The following NQO1 variants were observed in gnomAD, a reference collection of about 807,000 sequenced individuals.
NQO1 encodes the protein NAD(P)H quinone dehydrogenase 1.
In NQO1, 30 loss-of-function variants were observed where a neutral mutation model predicts 32.1. The observed-to-expected ratio is 0.94, with a 90% CI of 0.70 to 1.27. NQO1 has a LOEUF of 1.27. Ranked by LOEUF, NQO1 falls within the 50% of genes most tolerant of loss-of-function variation. The pLI is 0.00. For synonymous variants in NQO1, 109 were observed against 119.7 expected, an observed-to-expected ratio of 0.91 and a Z score of 0.59; for missense variants, 276 against 331.3, an observed-to-expected ratio of 0.83 and a Z score of 1.30.
chr16:69,711,654 CTTTTTTTT>C lies in NQO1; in HGVS notation c.520-381_520-374del, dbSNP rs903633662. Reference sequence around the variant, plus strand: ...CTAGATGAGTCCTTTTTTTCTTTTTCTTTTTTTTTTTTTTTTTGAGGCAGAGTCTCGCT... The same window carrying C: ...CTAGATGAGTCCTTTTTTTCTTTTTCTTTTTTTTTGAGGCAGAGTCTCGCT... On this transcript the variant is annotated intron_variant, in intron 5 of 5. Transcript: ENST00000320623. 2.9e-5 allele frequency among the ~76,000 whole-genome samples: 4 copies of C among 136,712 alleles called. No homozygotes were observed. In the East Asian group the frequency reaches 8.4e-4, roughly 29 times the overall value. 89.7% of individuals were successfully genotyped at this position (136,712 alleles called of 152,430 possible). A position where few individuals can be genotyped will look rare whatever the true frequency, so the allele number is the denominator to read the frequency against.
intron 4 of NQO1, among the ~76,000 whole-genome samples, chr16:69,713,836 T>A: frequency 6.6e-6 from 1 of 151,448 alleles, no homozygotes; most frequent in East Asian, 1.9e-4. Context: ...TCCCAAATAG[T>A]TGGGATTACA....
intron 4 of NQO1, 28 bp downstream of exon 4, chr16:69,714,936 G>T: frequency 1.3e-6 from 2 of 1,504,438 alleles, no homozygotes; most frequent in Non-Finnish European, 1.9e-6. Flanking sequence ...GAAGCTGGCT[G>T]TCAGAGCATT....
At position 69,709,944 on chromosome 16, in the gene NQO1, A is replaced by G. The variant is rs1382228253; in HGVS notation, c.*1032T>C. On this transcript the variant is annotated 3_prime_UTR_variant, in exon 6 of 6. Transcript: ENST00000320623. Reference sequence around the variant, plus strand: ...AATAAAGTATTTTTTGTGGAAGACTATTTTTAAGTATTGAAGGTACTATTT... The same window carrying G: ...AATAAAGTATTTTTTGTGGAAGACTGTTTTTAAGTATTGAAGGTACTATTT... 9 of 396,852 alleles carry G rather than the reference A, an allele frequency of 2.3e-5. No homozygotes were observed. The highest frequency in any genetic ancestry group is 2.7e-4 in the South Asian group (2 of 7,482). 24.6% of individuals were successfully genotyped at this position (396,852 alleles called of 1,614,324 possible). A position where few individuals can be genotyped will look rare whatever the true frequency, so the allele number is the denominator to read the frequency against.
Position 69,718,518 on chromosome 16 carries a change from G to A in NQO1, c.24C>T (p.Ile8=), listed in dbSNP as rs780885628. ...ACGTCCTCTCTGAGTGAGCCAGTAC[G>A]ATCAGTGCTCTTCTGCCTACAGAGA... is the stretch of plus-strand genomic sequence containing the variant. MVGRRAL[I]VLAHSERTSF... The change falls in exon 2 of 6, where the codon ATC becomes ATT. Residue 8 remains isoleucine (I), a synonymous_variant. Transcript: ENST00000320623. The A allele has an allele frequency of 9.3e-6, 15 of 1,613,776 alleles. No individual in the cohort carries two copies. Among genetic ancestry groups the A allele is most frequent in the Admixed American group, 1.7e-5 (1 of 59,992 alleles).
chr16:69,715,159 C>A, intron 3 of NQO1, 82 bp from the exon 4 acceptor site: 1 of 932,536 alleles, frequency 1.1e-6, no homozygotes, highest in Non-Finnish European at 1.8e-6. Flanking sequence ...AGCCGCTCCC[C>A]ATGATGGCAC....
In NQO1 at chr16:69,715,086, C is replaced by G; in HGVS notation, c.304-9G>C. 1 of 1,606,836 alleles carries G rather than the reference C, an allele frequency of 6.2e-7. No homozygotes were observed. The highest frequency in any genetic ancestry group is 1.7e-4 in the Middle Eastern group (1 of 6,050). On this transcript the variant is annotated splice_polypyrimidine_tract_variant and intron_variant, in intron 3 of 5. Transcript: ENST00000320623. ...AACCACTGCAGGGGGAACTGTGGGA[C>G]AGAAGACATCATTGAGGTAAGACCA...
intron 3 of NQO1, among the ~76,000 whole-genome samples, chr16:69,717,510 TAACTGAAGGAATC>T (rs1304358845): frequency 3.3e-5 from 5 of 151,812 alleles, no homozygotes; most frequent in Non-Finnish European, 5.9e-5. Flanking sequence ...AAGGAATCGC[TAACTGAAGGAATC>T]GCTAACTGAA....
intron 5 of NQO1, among the ~76,000 whole-genome samples, 159 bp downstream of exon 5, chr16:69,712,869 G>C (rs56049804): frequency 4.6e-5 from 7 of 152,282 alleles, no homozygotes; most frequent in Non-Finnish European, 1.0e-4. Flanking sequence ...AGCCGAGTGT[G>C]GTGGCGGGTG....
rs1567633068 is a variant in NQO1 at position 69,718,440 on chromosome 16, T to A, written c.102A>T (p.Gly34=). The A allele has an allele frequency of 6.2e-7, 1 of 1,614,118 alleles. No individual in the cohort carries two copies. The highest frequency in any genetic ancestry group is 8.5e-7 in the Non-Finnish European group (1 of 1,180,012). Residue 34 remains glycine (G), a synonymous_variant, in exon 2 of 6, where the codon GGA becomes GGT. Transcript: ENST00000320623. ...EAAAAALKKK[G]WEVVESDLYA... ...AGAGGTCCGACTCCACCACCTCCCA[T>A]CCTTTCTTCTTCAAAGCCGCTGCAG...
At chr16:69,714,231 G>A (rs1001643332) in intron 4 of NQO1, among the ~76,000 whole-genome samples, 2 of 150,842 alleles carry the variant, frequency 1.3e-5, no homozygotes, top group South Asian at 2.1e-4. Context: ...GTGCAGTGGC[G>A]CGATCTTGGC....
chr16:69,724,528 GTTC>G (rs754556912), intron 1 of NQO1, among the ~76,000 whole-genome samples: 11 of 150,688 alleles, frequency 7.3e-5, no homozygotes, highest in African/African-American at 1.7e-4. Context: ...TGGGTTTCAA[GTTC>G]TTCTGCTCTG....
In NQO1 at chr16:69,710,922, G is replaced by T. The variant is rs2038029298; in HGVS notation, c.*54C>A. On this transcript the variant is annotated 3_prime_UTR_variant, in exon 6 of 6. Coordinates refer to ENST00000320623, the MANE Select transcript of NQO1 (RefSeq NM_000903.3). ...AAACTAAAGCAAGTCAGGGAAGCCT[G>T]GAAAGATACCCAGATTTGATAACAT... 19 of 1,541,840 alleles carry T rather than the reference G, an allele frequency of 1.2e-5. No homozygotes were observed. The highest frequency in any genetic ancestry group is 1.6e-5 in the Non-Finnish European group (18 of 1,140,826).
rs145187221 is a variant in NQO1, at chr16:69,711,223, A to G, written c.578T>C (p.Ile193Thr). Residue 193 changes from isoleucine (I) to threonine (T), a missense_variant, in exon 6 of 6, where the codon ATT becomes ACT. Coordinates refer to ENST00000320623, the MANE Select transcript of NQO1 (RefSeq NM_000903.3). ...TCGGGCGTCTGCTGGAGTGTGCCCA[A>G]TGCTATATGTCAGTTGAGGTTCTAA... The part of the protein sequence containing the change: ...QVLEPQLTYS[I>T]GHTPADARIQ... 256 of 1,614,096 alleles carry G rather than the reference A, an allele frequency of 1.6e-4. 1 individual carries two copies. Among genetic ancestry groups the G allele is most frequent in the East Asian group, 3.6e-4 (16 of 44,886 alleles).
At chr16:69,726,222 G>A (rs181925239) in intron 1 of NQO1, among the ~76,000 whole-genome samples, 2 of 152,272 alleles carry the variant, frequency 1.3e-5, no homozygotes, top group African/African-American at 2.4e-5. Context: ...AGTTCGTGGG[G>A]TGGAGTGAGG....
chr16:69,724,565 G>A (rs2038236683), intron 1 of NQO1, among the ~76,000 whole-genome samples: 1 of 151,670 alleles, frequency 6.6e-6, no homozygotes, highest in African/African-American at 2.4e-5. Context: ...AGCTGGGTGT[G>A]GTGGCACACA....
intron 1 of NQO1, 91 bp downstream of exon 1, chr16:69,726,342 C>G (rs753648670): frequency 6.5e-7 from 1 of 1,547,822 alleles, no homozygotes; most frequent in Middle Eastern, 1.7e-4. Context: ...AGTCAAGGAA[C>G]AAAATTCAGG....
In NQO1 at chr16:69,712,996, GAAAAA is replaced by G; in HGVS notation, c.519+27_519+31del. On this transcript the variant is annotated intron_variant, in intron 5 of 5. Transcript: ENST00000320623. ...TGACAGAGTGAGACTCCGTCTCAAA[GAAAAA>G]AAAGAAAAGAAAAGAAAATGAGGTA... The G allele has an allele frequency of 3.2e-6, 5 of 1,564,746 alleles. No individual in the cohort carries two copies. The South Asian group carries it at 3.3e-5, about 10-fold the overall frequency.
At chr16:69,718,644 A>C in intron 1 of NQO1, 110 bp from the exon 2 acceptor site, 1 of 1,012,796 alleles carries the variant, frequency 9.9e-7, no homozygotes, top group East Asian at 2.4e-5. Context: ...GTTTGACATT[A>C]GGTTATTGCA....
intron 3 of NQO1, 81 bp from the exon 4 acceptor site, chr16:69,715,158 C>T (rs141419503): frequency 1.5e-5 from 14 of 952,830 alleles, no homozygotes; most frequent in Middle Eastern, 2.2e-4. Context: ...GAGCCGCTCC[C>T]CATGATGGCA....
Sources: allele counts gnomAD v4.1 joint callset (sites outside exome capture counted in the v4.1 genomes callset), GRCh38; gene constraint gnomAD v4.1.1; transcripts MANE v1.5; gene names NCBI Gene and HGNC (gene_info 2026-07-23, HGNC 2026-07-21).